The following ADRA1A variants were observed in gnomAD, a reference collection of about 807,000 sequenced individuals.
ADRA1A encodes the protein adrenoceptor alpha 1A, also known as alpha-1A adrenergic receptor.
In ADRA1A, 31 loss-of-function variants were observed where a neutral mutation model predicts 29.6. The ratio of observed to expected loss-of-function variants is 1.05; its 90% confidence interval spans 0.79 to 1.41. ADRA1A has a LOEUF of 1.41. Among genes scored for constraint, ADRA1A ranks in the 40% most tolerant of loss-of-function variants. The pLI, the probability that ADRA1A is intolerant of heterozygous loss-of-function variation, is 0.00. For synonymous variants in ADRA1A, 311 were observed against 254.3 expected (o/e 1.22, Z -2.12); for missense variants, 619 against 601.1 (o/e 1.03, Z -0.31).
chr8:26,753,831 G>T (rs1451028941), downstream of ADRA1A, among the ~76,000 whole-genome samples: 1 of 152,116 alleles, frequency 6.6e-6, no homozygotes, highest in East Asian at 1.9e-4. Flanking sequence ...AAAGAAAGAG[G>T]TTTAAAATAT....
At chr8:26,756,708 G>A in exon 3 of ADRA1A, 1 of 1,613,990 alleles carries the variant, frequency 6.2e-7, no homozygotes, top group Non-Finnish European at 8.5e-7. Context: ...TGGGTTTCAT[G>A]CTCCCCTTCC....
downstream of ADRA1A, among the ~76,000 whole-genome samples, chr8:26,751,981 TCAA>T (rs1476926024): frequency 2.0e-5 from 3 of 152,136 alleles, no homozygotes; most frequent in African/African-American, 4.8e-5. Context: ...AACAGTGTGT[TCAA>T]CAACATCATG....
In ADRA1A at chr8:26,775,151, A is replaced by T. The variant is rs114221247; in HGVS notation, c.884-4485T>A. Among the ~76,000 whole-genome samples, 497 of 152,244 alleles carry T rather than the reference A, an allele frequency of 3.3e-3. 2 individuals are homozygous for T. Among genetic ancestry groups the T allele is most frequent in the African/African-American group, 0.011 (473 of 41,564 alleles). The stretch of plus-strand genomic sequence containing the variant: ...AGTAAAATGCTAGAGTCTTGAAGGC[A>T]TTCTCCTAGTTTTTGCTGCATGAAT... On this transcript the variant is annotated intron_variant, in intron 2 of 2. Coordinates refer to ENST00000380573, the MANE Select transcript of ADRA1A (RefSeq NM_000680.4). The surrounding 1 kb of genome is among the most constrained non-coding windows in gnomAD (Gnocchi z 4.1).
intron 2 of ADRA1A, among the ~76,000 whole-genome samples, chr8:26,750,687 C>A (rs2130142065): frequency 6.6e-6 from 1 of 152,298 alleles, no homozygotes; most frequent in East Asian, 1.9e-4. Flanking sequence ...TAGATACAAG[C>A]AAGTTGGGTA....
intron 2 of ADRA1A, among the ~76,000 whole-genome samples, chr8:26,760,336 C>T (rs1038392584): frequency 6.6e-6 from 1 of 152,172 alleles, no homozygotes; most frequent in Admixed American, 6.5e-5. Flanking sequence ...TCTCATTGTG[C>T]TCATGAAGGC....
intron 2 of ADRA1A, among the ~76,000 whole-genome samples, chr8:26,817,982 C>A (rs567940193): frequency 2.0e-5 from 3 of 152,276 alleles, no homozygotes; most frequent in South Asian, 2.1e-4. Flanking sequence ...TGTGGTGTAT[C>A]CACATAGTGG....
In ADRA1A at chr8:26,823,668, G is replaced by C. The variant is rs1326075862; in HGVS notation, c.883+40419C>G. ...AAGCCCACCTTCCTTTTTCCTATAAGACAGAGGATCAGGACTAGTTGGCCT... is the reference window on the plus strand; with the variant it reads ...AAGCCCACCTTCCTTTTTCCTATAACACAGAGGATCAGGACTAGTTGGCCT... On this transcript the variant is annotated intron_variant, in intron 2 of 2. Transcript: ENST00000380573. This position sits in a 1 kb window ranked among gnomAD's most constrained non-coding sequence, Gnocchi z 4.2. Among the ~76,000 whole-genome samples the C allele has an allele frequency of 6.6e-6, 1 of 152,068 alleles. No individual in the cohort carries two copies. The highest frequency in any genetic ancestry group is 2.4e-5 in the African/African-American group (1 of 41,410).
intron 2 of ADRA1A, among the ~76,000 whole-genome samples, chr8:26,829,313 C>T (rs775113423): frequency 3.3e-5 from 5 of 151,982 alleles, no homozygotes; most frequent in Non-Finnish European, 7.4e-5. Flanking sequence ...CTACTGGTGG[C>T]GTGTATAAAA....
rs73564006 is a variant in ADRA1A, at chr8:26,829,666, C to G, written c.883+34421G>C. Among the ~76,000 whole-genome samples the G allele has an allele frequency of 2.6e-3, 400 of 152,178 alleles. 2 individuals are homozygous for G. The highest frequency in any genetic ancestry group is 8.3e-3 in the African/African-American group (343 of 41,530). ...GAAATACAGCTCCAAGTTACATAAT[C>G]CTGGATTCCACATCTGGAAACAAGG... On this transcript the variant is annotated intron_variant, in intron 2 of 2. Coordinates refer to ENST00000380573, the MANE Select transcript of ADRA1A (RefSeq NM_000680.4).
intron 2 of ADRA1A, among the ~76,000 whole-genome samples, chr8:26,810,919 C>T (rs1809338401): frequency 6.6e-6 from 1 of 152,024 alleles, no homozygotes; most frequent in Non-Finnish European, 1.5e-5. Context: ...AAAAAAAAAT[C>T]CAAGATTCAC....
Position 26,867,087 on chromosome 8 carries a change from AC to A in ADRA1A, c.-839del. On this transcript the variant is annotated 5_prime_UTR_variant, in exon 1 of 3. Coordinates refer to ENST00000380573, the MANE Select transcript of ADRA1A (RefSeq NM_000680.4). ...CTTGTCCTTTTGCACCCGCTGACTCACCCCTCCACCACTGATGTCTTTAAGC... is the reference window on the plus strand; with the variant it reads ...CTTGTCCTTTTGCACCCGCTGACTCACCCTCCACCACTGATGTCTTTAAGC... The A allele has an allele frequency of 4.1e-6, 4 of 984,988 alleles. No homozygotes were observed. Among genetic ancestry groups the A allele is most frequent in the Non-Finnish European group, 4.8e-6 (4 of 829,836 alleles). The allele number at this position is 984,988 out of a possible 1,614,324, so 61.0% of individuals were successfully genotyped here. A position where few individuals can be genotyped will look rare whatever the true frequency, so the allele number is the denominator to read the frequency against.
chr8:26,846,042 T>G (rs1262236859), intron 2 of ADRA1A, among the ~76,000 whole-genome samples: 1 of 152,240 alleles, frequency 6.6e-6, no homozygotes, highest in Admixed American at 6.5e-5. Flanking sequence ...TACAGAATTT[T>G]ACAATTTAAG....
rs558295888 is a variant in ADRA1A at position 26,805,761 on chromosome 8, G to A, written c.884-35095C>T. On this transcript the variant is annotated intron_variant, in intron 2 of 2. Coordinates refer to ENST00000380573, the MANE Select transcript of ADRA1A (RefSeq NM_000680.4). This position sits in a 1 kb window ranked among gnomAD's most constrained non-coding sequence, Gnocchi z 4.8. ...TTCTACCTGGTACAAGAATCTTGAT[G>A]AGCCAAGAGTTACTGGAACTTCAGT... Among the ~76,000 whole-genome samples the A allele has an allele frequency of 6.6e-6, 1 of 152,268 alleles. No individual in the cohort carries two copies. The highest frequency in any genetic ancestry group is 2.1e-4 in the South Asian group (1 of 4,812).
chr8:26,767,765 A>T (rs1163164003), downstream of ADRA1A, among the ~76,000 whole-genome samples: 1 of 151,070 alleles, frequency 6.6e-6, no homozygotes, highest in African/African-American at 2.4e-5. Context: ...GAAAAACGAT[A>T]ATCATTCTTC....
intron 2 of ADRA1A, among the ~76,000 whole-genome samples, chr8:26,832,224 C>T (rs1349156984): frequency 2.0e-5 from 3 of 152,208 alleles, no homozygotes; most frequent in African/African-American, 7.2e-5. Flanking sequence ...CAGCAGGCTG[C>T]TCTCCTGCCT....
At chr8:26,842,531 C>A (rs769357546) in intron 2 of ADRA1A, among the ~76,000 whole-genome samples, 1 of 152,094 alleles carries the variant, frequency 6.6e-6, no homozygotes, top group African/African-American at 2.4e-5. Flanking sequence ...GTTCTCTCCC[C>A]GACCTTCTGT....
At chr8:26,810,437 C>T (rs1809297339) in intron 2 of ADRA1A, among the ~76,000 whole-genome samples, 1 of 152,174 alleles carries the variant, frequency 6.6e-6, no homozygotes, top group Non-Finnish European at 1.5e-5. Context: ...CTGCTAGAAT[C>T]TTGCAGCAGT....
chr8:26,859,693 G>A (rs1038810046), intron 2 of ADRA1A, among the ~76,000 whole-genome samples: 2 of 152,092 alleles, frequency 1.3e-5, no homozygotes, highest in Non-Finnish European at 2.9e-5. Flanking sequence ...CAGGTTCAGG[G>A]ATCCTTTGCA....
At chr8:26,851,847 A>T (rs1298395804) in intron 2 of ADRA1A, among the ~76,000 whole-genome samples, 1 of 151,092 alleles carries the variant, frequency 6.6e-6, no homozygotes, top group East Asian at 1.9e-4. Flanking sequence ...TTGGCAAGTA[A>T]AGTATATAAT....
Sources: allele counts gnomAD v4.1 joint callset (sites outside exome capture counted in the v4.1 genomes callset), GRCh38; gene constraint gnomAD v4.1.1; non-coding constraint Gnocchi (gnomAD v3.1); transcripts MANE v1.5; gene names NCBI Gene and HGNC (gene_info 2026-07-23, HGNC 2026-07-21).